TRAPPC11: variants seen among roughly 807,000 people sequenced by gnomAD.
TRAPPC11 encodes trafficking protein particle complex subunit 11, also known as foie gras homolog.
TRAPPC11 carries 104 observed loss-of-function variants against 151.2 expected under a neutral mutation model. The ratio of observed to expected loss-of-function variants is 0.69; its 90% CI spans 0.59 to 0.81. The LOEUF (loss-of-function observed/expected upper bound fraction) is 0.81. Among genes scored for constraint, TRAPPC11 ranks in the 30% least tolerant of loss-of-function variants. The pLI is 0.00. For synonymous variants in TRAPPC11, 456 were observed against 472.3 expected, an observed-to-expected ratio of 0.97 and a Z score of 0.45; for missense variants, 1,230 against 1,349.6, an observed-to-expected ratio of 0.91 and a Z score of 1.39.
chr4:183,681,833 C>T (rs1237846817), intron 10 of TRAPPC11, among the ~76,000 whole-genome samples: 1 of 151,386 alleles, frequency 6.6e-6, no homozygotes, highest in Non-Finnish European at 1.5e-5. Context: ...AGCTTTAAAA[C>T]TGTGCATATC....
chr4:183,693,678 T>C lies in TRAPPC11; in HGVS notation c.2327T>C (p.Val776Ala). The C allele has an allele frequency of 6.2e-7, 1 of 1,614,176 alleles. No individual in the cohort carries two copies. Among genetic ancestry groups the C allele is most frequent in the Non-Finnish European group, 8.5e-7 (1 of 1,180,016 alleles). ...TNEMYCLVVT[V>A]QSHEKTQIRD... ...GAAATGTATTGTTTGGTTGTGACTGTTCAGTCCCATGAAAAGACCCAAATC... is the reference window on the plus strand; with the variant it reads ...GAAATGTATTGTTTGGTTGTGACTGCTCAGTCCCATGAAAAGACCCAAATC... Residue 776 changes from valine to alanine, a missense_variant, in exon 21 of 30, where the codon GTT becomes GCT. Physicochemically the swap from Val to Ala is moderately conservative, Grantham distance 64. Transcript: ENST00000334690.
intron 28 of TRAPPC11, 94 bp from the exon 29 acceptor site, chr4:183,708,313 A>G: frequency 7.6e-7 from 1 of 1,320,488 alleles, no homozygotes; most frequent in Non-Finnish European, 1.0e-6. Flanking sequence ...GGATTTGGTT[A>G]TCCAATCTTT....
chr4:183,680,403 A>C (rs1302616771), intron 10 of TRAPPC11, 136 bp downstream of exon 10: 2 of 969,206 alleles, frequency 2.1e-6, no homozygotes, highest in Non-Finnish European at 2.8e-6. Context: ...AGCTTTAGGA[A>C]TTACATTGAT....
rs1736815185 is a variant in TRAPPC11 at position 183,701,815 on chromosome 4, A to G, written c.2963+7A>G. On this transcript the variant is annotated splice_region_variant and intron_variant, in intron 26 of 29. Transcript: ENST00000334690. ...ATATTATCTCTTGGAAAAGGTAAGAATTATGTCAATCCTGTCTTTTCTTCA... is the reference window on the plus strand; with the variant it reads ...ATATTATCTCTTGGAAAAGGTAAGAGTTATGTCAATCCTGTCTTTTCTTCA... 2 of 1,527,504 alleles carry G rather than the reference A, an allele frequency of 1.3e-6. No individual in the cohort carries two copies. Among genetic ancestry groups the G allele is most frequent in the Non-Finnish European group, 1.8e-6 (2 of 1,101,152 alleles). 94.6% of individuals were successfully genotyped at this position (1,527,504 alleles called of 1,614,324 possible). A position where few individuals can be genotyped will look rare whatever the true frequency, so the allele number is the denominator to read the frequency against.
intron 2 of TRAPPC11, 111 bp from the exon 3 acceptor site, chr4:183,666,146 T>C (rs1734870053): frequency 1.1e-6 from 1 of 900,086 alleles, no homozygotes; most frequent in Admixed American, 2.5e-5. Flanking sequence ...TAATCAAAAA[T>C]GGGAGGTGTG....
intron 29 of TRAPPC11, among the ~76,000 whole-genome samples, chr4:183,710,376 T>C (rs1313261196): frequency 6.6e-6 from 1 of 151,812 alleles, no homozygotes; most frequent in Non-Finnish European, 1.5e-5. Flanking sequence ...AAGCTCTGCC[T>C]CCTGGGTTCA....
At chr4:183,686,380 G>T (rs374818547) in intron 17 of TRAPPC11, among the ~76,000 whole-genome samples, 1 of 152,260 alleles carries the variant, frequency 6.6e-6, no homozygotes, top group East Asian at 1.9e-4. Flanking sequence ...CAAGTGATCC[G>T]CCTGGCTTGG....
In TRAPPC11 at chr4:183,682,712, G is replaced by A; in HGVS notation, c.1114-20G>A. 1.9e-6 allele frequency: 3 copies of A among 1,556,996 alleles called. No individual in the cohort carries two copies. The highest frequency in any genetic ancestry group is 2.6e-6 in the Non-Finnish European group (3 of 1,135,908). On this transcript the variant is annotated intron_variant, in intron 10 of 29. Coordinates refer to ENST00000334690, the MANE Select transcript of TRAPPC11 (RefSeq NM_021942.6). ...ATGAGTTCCATAAACTATTATTTAGGTTTGTGTTTTAATTTACAGGCTTCT... is the reference window on the plus strand; with the variant it reads ...ATGAGTTCCATAAACTATTATTTAGATTTGTGTTTTAATTTACAGGCTTCT...
intron 27 of TRAPPC11, 63 bp downstream of exon 27, chr4:183,705,133 A>G: frequency 2.6e-6 from 3 of 1,167,932 alleles, no homozygotes; most frequent in Non-Finnish European, 3.8e-6. Context: ...TTTAACCTCT[A>G]AGAGTTTAGT....
At chr4:183,667,816 G>A in intron 4 of TRAPPC11, 187 bp from the exon 5 acceptor site, 1 of 589,862 alleles carries the variant, frequency 1.7e-6, no homozygotes, top group East Asian at 2.9e-5. Flanking sequence ...TTCCTAAAAG[G>A]CATATACTGT....
chr4:183,682,409 C>A (rs1023775199), intron 10 of TRAPPC11, among the ~76,000 whole-genome samples: 3 of 152,046 alleles, frequency 2.0e-5, no homozygotes, highest in African/African-American at 7.2e-5. Flanking sequence ...ACACAAAGAG[C>A]ATGTATGCAT....
rs143367179 is a variant in TRAPPC11, at chr4:183,677,008, G to A, written c.735-450G>A. Among the ~76,000 whole-genome samples the A allele has an allele frequency of 9.0e-3, 1,361 of 152,046 alleles. 24 individuals carry two copies. Among genetic ancestry groups the A allele is most frequent in the African/African-American group, 0.031 (1,294 of 41,458 alleles). On this transcript the variant is annotated intron_variant, in intron 7 of 29. Transcript: ENST00000334690. ...TGAAACTCCTGACCTCAAGTGATCC[G>A]CCCACCTCAGCCTCTCAAAGTGCTG...
chr4:183,702,342 T>TAAA (rs761830872), intron 26 of TRAPPC11, among the ~76,000 whole-genome samples: 1 of 125,470 alleles, frequency 8.0e-6, no homozygotes, highest in Non-Finnish European at 1.7e-5. Flanking sequence ...AGACCCTGTT[T>TAAA]AAAAAAAAAA....
chr4:183,692,651 T>C lies in TRAPPC11; in HGVS notation c.2050-309T>C, dbSNP rs576533634. Among the ~76,000 whole-genome samples the C allele has an allele frequency of 1.2e-4, 18 of 152,332 alleles. No individual in the cohort carries two copies. In the South Asian group the frequency reaches 3.7e-3, roughly 32 times the overall value. On this transcript the variant is annotated intron_variant, in intron 19 of 29. Transcript: ENST00000334690. ...ACTTATTTCATTCAGCAACCACTAATTGAACCTTCATTACATCAGGGACTA... is the reference window on the plus strand; with the variant it reads ...ACTTATTTCATTCAGCAACCACTAACTGAACCTTCATTACATCAGGGACTA...
At chr4:183,668,849 A>G (rs1016686347) in intron 5 of TRAPPC11, among the ~76,000 whole-genome samples, 11 of 152,218 alleles carry the variant, frequency 7.2e-5, no homozygotes, top group Admixed American at 7.2e-4. Context: ...TTAGATATGA[A>G]TATTTTCATT....
chr4:183,693,502 A>G, intron 20 of TRAPPC11, 87 bp from the exon 21 acceptor site: 1 of 1,419,256 alleles, frequency 7.0e-7, no homozygotes, highest in Non-Finnish European at 9.5e-7. Flanking sequence ...CTCTGCACCC[A>G]GCCTCTTATT....
chr4:183,662,320 C>T (rs1417941538), intron 1 of TRAPPC11, among the ~76,000 whole-genome samples: 1 of 144,298 alleles, frequency 6.9e-6, no homozygotes, highest in African/African-American at 2.6e-5. Context: ...TGGGCCAGTG[C>T]ACTCCAGCCT....
intron 17 of TRAPPC11, among the ~76,000 whole-genome samples, chr4:183,685,684 G>T (rs1308055275): frequency 2.0e-5 from 3 of 152,014 alleles, no homozygotes; most frequent in African/African-American, 7.2e-5. Flanking sequence ...TACTGTCTAG[G>T]TAGGTATTTT....
At chr4:183,688,532 C>CT (rs1364784496) in intron 18 of TRAPPC11, among the ~76,000 whole-genome samples, 1 of 152,064 alleles carries the variant, frequency 6.6e-6, no homozygotes, top group Non-Finnish European at 1.5e-5. Flanking sequence ...GTTCTTTTGT[C>CT]TGTGTTCTAT....
Sources: gnomAD v4.1 joint callset for allele counts (sites outside exome capture counted in the v4.1 genomes callset) on GRCh38, gnomAD v4.1.1 for gene constraint, MANE v1.5 for transcripts, NCBI Gene and HGNC (gene_info 2026-07-23, HGNC 2026-07-21) for gene names.